Variants in GPR89B observed in about 807,000 individuals in gnomAD.
GPR89B encodes G protein-coupled receptor 89B.
In GPR89B, 25 loss-of-function variants were observed where a neutral mutation model predicts 52.4. The ratio of observed to expected loss-of-function variants is 0.48; its 90% CI spans 0.35 to 0.67. GPR89B has a LOEUF of 0.67. Among genes scored for constraint, GPR89B ranks in the 30% least tolerant of loss-of-function variants. The probability of loss-of-function intolerance (pLI) is 0.01; values close to 1 mark genes in which losing one functional copy is unlikely to be tolerated. For missense variants in GPR89B, 146 were observed against 450.2 expected, an observed-to-expected ratio of 0.32 and a Z score of 6.11; for synonymous variants, 52 against 151.2, an observed-to-expected ratio of 0.34 and a Z score of 4.81.
chr1:147,986,584 TA>T (rs1206909207), intron 11 of GPR89B, among the ~76,000 whole-genome samples: 12 of 152,316 alleles, frequency 7.9e-5, no homozygotes, highest in Non-Finnish European at 1.3e-4. Flanking sequence ...TCTGCTTCTC[TA>T]TAGGCAGCTA....
At chr1:148,025,395 C>T in the GPR89B span, among the ~76,000 whole-genome samples, 2 of 151,596 alleles carry the variant, frequency 1.3e-5, no homozygotes, top group Admixed American at 1.3e-4. Context: ...CAGTGGCTCA[C>T]ACCTGTAATC....
chr1:147,979,349 C>G (rs1437044475), intron 10 of GPR89B, among the ~76,000 whole-genome samples: 1 of 151,990 alleles, frequency 6.6e-6, no homozygotes, highest in Non-Finnish European at 1.5e-5. Flanking sequence ...TTTCCCCATC[C>G]TTCCTTCCTT....
intron 10 of GPR89B, among the ~76,000 whole-genome samples, chr1:147,981,330 T>C (rs1362300298): frequency 0.083 from 12,292 of 147,460 alleles, 1,101 homozygotes; most frequent in African/African-American, 0.21. Context: ...CACACACACA[T>C]ACACACACAC....
chr1:148,000,033 A>G, the GPR89B span, among the ~76,000 whole-genome samples: 630 of 152,280 alleles, frequency 4.1e-3, 4 homozygotes, highest in African/African-American at 0.014. Flanking sequence ...TTTGGATGGG[A>G]CAACCACTTG....
At chr1:147,938,061 T>C (rs1553248264) in intron 2 of GPR89B, among the ~76,000 whole-genome samples, 4 of 152,262 alleles carry the variant, frequency 2.6e-5, no homozygotes, top group African/African-American at 9.6e-5. Context: ...GTTCTTCTGC[T>C]GCGGCTTCAG....
intron 8 of GPR89B, chr1:147,968,059 G>A (rs2149075558): frequency 2.8e-6 from 1 of 351,480 alleles, no homozygotes; most frequent in African/African-American, 2.2e-5. Flanking sequence ...TTTTAGAAGG[G>A]GCTATATTTA....
chr1:147,968,864 T>G lies in GPR89B; in HGVS notation c.728-11T>G. 6.2e-7 allele frequency: 1 copy of G among 1,612,816 alleles called. No individual in the cohort carries two copies. The highest frequency in any genetic ancestry group is 2.2e-5 in the East Asian group (1 of 44,868). ...TATGTGATTAAAACCTTGATGCCCA[T>G]TCTGTGCCAGATCTTACTCTTATTC... On this transcript the variant is annotated splice_polypyrimidine_tract_variant and intron_variant, in intron 8 of 13. Coordinates refer to ENST00000314163, the MANE Select transcript of GPR89B (RefSeq NM_016334.5).
chr1:147,935,943 A>G (rs781902878), intron 1 of GPR89B, among the ~76,000 whole-genome samples: 2 of 152,034 alleles, frequency 1.3e-5, no homozygotes, highest in Non-Finnish European at 2.9e-5. Context: ...GGTTTTCACC[A>G]TGTTGGCCAG....
chr1:148,010,360 C>T, the GPR89B span: 2 of 152,154 alleles, frequency 1.3e-5, no homozygotes, highest in African/African-American at 4.8e-5. Context: ...AGCTCTGGGT[C>T]CCTGGAATGA....
chr1:147,983,485 AAAC>A, intron 10 of GPR89B, among the ~76,000 whole-genome samples: 1 of 152,212 alleles, frequency 6.6e-6, no homozygotes, highest in South Asian at 2.1e-4. Flanking sequence ...TACAAGAAAA[AAAC>A]AAACAACCCC....
chr1:147,971,349 C>T (rs1657450518), intron 10 of GPR89B, among the ~76,000 whole-genome samples: 1 of 150,924 alleles, frequency 6.6e-6, no homozygotes. Flanking sequence ...TGGGCTTTCA[C>T]CATGTTGCCC....
chr1:148,001,979 T>G, the GPR89B span, among the ~76,000 whole-genome samples: 1 of 151,710 alleles, frequency 6.6e-6, no homozygotes, highest in African/African-American at 2.4e-5. Flanking sequence ...GTTTTGAATA[T>G]ATTTGTATAT....
At chr1:147,967,179 C>A in intron 8 of GPR89B, 1 of 164,512 alleles carries the variant, frequency 6.1e-6, no homozygotes, top group Admixed American at 5.6e-5. Flanking sequence ...CCTGTAATCC[C>A]AGCACTTTGC....
chr1:147,993,153 G>A lies in GPR89B; in HGVS notation c.*236G>A. 1.9e-6 allele frequency: 2 copies of A among 1,027,264 alleles called. No individual in the cohort carries two copies. Among genetic ancestry groups the A allele is most frequent in the Non-Finnish European group, 1.4e-6 (1 of 725,332 alleles). 63.6% of individuals were successfully genotyped at this position (1,027,264 alleles called of 1,614,324 possible). On this transcript the variant is annotated 3_prime_UTR_variant, in exon 14 of 14. Transcript: ENST00000314163. The stretch of plus-strand genomic sequence containing the variant: ...CAATACTCAGCAGAGAGCATCCCGT[G>A]TGGATATGAGGCTGGTGTAGAGGCG...
chr1:148,009,137 G>A, the GPR89B span, among the ~76,000 whole-genome samples: 1 of 152,146 alleles, frequency 6.6e-6, no homozygotes, highest in African/African-American at 2.4e-5. Flanking sequence ...CTGCTGTCCA[G>A]TGTCCCTCCC....
At chr1:147,976,919 T>A (rs1483101358) in intron 10 of GPR89B, among the ~76,000 whole-genome samples, 1 of 151,650 alleles carries the variant, frequency 6.6e-6, no homozygotes, top group Non-Finnish European at 1.5e-5. Context: ...GATAGGAAAT[T>A]CTTGGTTGGA....
intron 1 of GPR89B, among the ~76,000 whole-genome samples, chr1:147,935,931 C>T (rs1467184199): frequency 1.1e-4 from 16 of 152,142 alleles, no homozygotes; most frequent in African/African-American, 1.7e-4. Flanking sequence ...TTTGTAGAGA[C>T]GGGTTTTCAC....
chr1:148,013,932 C>A, the GPR89B span, among the ~76,000 whole-genome samples: 2 of 151,706 alleles, frequency 1.3e-5, no homozygotes. Flanking sequence ...GCGCGCGGGA[C>A]CCAGGAGCCT....
chr1:147,978,365 C>T (rs1441079012), intron 10 of GPR89B, among the ~76,000 whole-genome samples: 3 of 151,976 alleles, frequency 2.0e-5, no homozygotes, highest in Admixed American at 6.5e-5. Flanking sequence ...CTGCTTGCTC[C>T]GTCCTCTGGG....
Sources: gnomAD v4.1 joint callset for allele counts (sites outside exome capture counted in the v4.1 genomes callset) on GRCh38, gnomAD v4.1.1 for gene constraint, MANE v1.5 for transcripts, NCBI Gene and HGNC (gene_info 2026-07-23, HGNC 2026-07-21) for gene names.